CELF2: variants seen among roughly 807,000 people sequenced by gnomAD.
CELF2 encodes the protein CUG triplet repeat RNA-binding protein 2.
CELF2 carries 8 observed loss-of-function variants against 62.6 expected under a neutral mutation model. The observed-to-expected ratio is 0.13, with a 90% CI of 0.07 to 0.23. The LOEUF is 0.23. Among genes scored for constraint, CELF2 ranks in the 10% least tolerant of loss-of-function variants. The pLI is 1.00. For synonymous variants in CELF2, 258 were observed against 250.0 expected (o/e 1.03, Z -0.30); for missense variants, 333 against 671.0 (o/e 0.50, Z 5.56).
At chr10:11,141,925 A>G (rs2061415377) in intron 1 of CELF2, among the ~76,000 whole-genome samples, 1 of 152,224 alleles carries the variant, frequency 6.6e-6, no homozygotes, top group Non-Finnish European at 1.5e-5. Flanking sequence ...CATATTATTA[A>G]TGAGAGACTG....
intron 1 of CELF2, among the ~76,000 whole-genome samples, chr10:11,052,858 T>C (rs1343025705): frequency 2.0e-5 from 3 of 152,180 alleles, no homozygotes; most frequent in Non-Finnish European, 4.4e-5. Flanking sequence ...AATCATGTAG[T>C]AGAGGGCTTC....
intron 1 of CELF2, among the ~76,000 whole-genome samples, chr10:11,160,645 CAAAAAAAAAA>C (rs35755036): frequency 2.1e-4 from 20 of 96,898 alleles, no homozygotes; most frequent in African/African-American, 7.4e-4. Flanking sequence ...TCCCAAGGAT[CAAAAAAAAAA>C]AAAAAAAAAG....
intron 9 of CELF2, among the ~76,000 whole-genome samples, chr10:11,292,647 G>A (rs933818525): frequency 4.6e-5 from 7 of 152,098 alleles, no homozygotes; most frequent in Non-Finnish European, 4.4e-5. Flanking sequence ...GAAAGAGTGG[G>A]GCAGGAGAGA....
chr10:10,897,559 C>T (rs2062649537), intron 1 of CELF2, among the ~76,000 whole-genome samples: 1 of 152,056 alleles, frequency 6.6e-6, no homozygotes, highest in Non-Finnish European at 1.5e-5. Flanking sequence ...GACAATGTGG[C>T]CAAGGGTGTG....
the CELF2 span, among the ~76,000 whole-genome samples, chr10:10,482,156 T>C: frequency 2.0e-5 from 3 of 152,200 alleles, no homozygotes; most frequent in African/African-American, 7.2e-5. Flanking sequence ...ATTTTGGAAA[T>C]TGTTGATTAT....
chr10:11,165,816 C>G lies in CELF2; in HGVS notation c.271+134C>G. 1.2e-6 allele frequency: 1 copy of G among 840,988 alleles called. No individual in the cohort carries two copies. Among genetic ancestry groups the G allele is most frequent in the Non-Finnish European group, 1.8e-6 (1 of 559,200 alleles). The allele number at this position is 840,988 out of a possible 1,614,324, so 52.1% of individuals were successfully genotyped here. On this transcript the variant is annotated intron_variant, in intron 2 of 12. Coordinates refer to ENST00000633077, the MANE Select transcript of CELF2 (RefSeq NM_001326342.2). This position sits in a 1 kb window ranked among gnomAD's most constrained non-coding sequence, Gnocchi z 7.4. ...TGGAAGCAGCCGGTGCTGGCGGCCCCTGTGCTCCAGGGGCTGCTCCCGACT... is the reference window on the plus strand; with the variant it reads ...TGGAAGCAGCCGGTGCTGGCGGCCCGTGTGCTCCAGGGGCTGCTCCCGACT...
At chr10:10,841,004 C>G (rs1156409914) in intron 1 of CELF2, among the ~76,000 whole-genome samples, 1 of 152,182 alleles carries the variant, frequency 6.6e-6, no homozygotes, top group East Asian at 1.9e-4. Context: ...ATCCATGTCC[C>G]TGCAAAGGAC....
intron 1 of CELF2, among the ~76,000 whole-genome samples, chr10:11,085,452 C>T (rs1041900487): frequency 6.6e-6 from 1 of 152,164 alleles, no homozygotes; most frequent in African/African-American, 2.4e-5. Flanking sequence ...TTGTCAAATA[C>T]ATTTTGATTG....
At chr10:10,991,161 T>C (rs2053395095) in intron 2 of CELF2, among the ~76,000 whole-genome samples, 2 of 152,208 alleles carry the variant, frequency 1.3e-5, no homozygotes. Flanking sequence ...AAATACAGAC[T>C]CTCTCTTTGT....
intron 1 of CELF2, among the ~76,000 whole-genome samples, chr10:10,902,274 A>T (rs2062990099): frequency 6.6e-6 from 1 of 152,248 alleles, no homozygotes; most frequent in African/African-American, 2.4e-5. Context: ...CAGTTTTGAT[A>T]GAAAGATGTG....
chr10:10,605,569 G>A, the CELF2 span, among the ~76,000 whole-genome samples: 9 of 152,322 alleles, frequency 5.9e-5, no homozygotes, highest in Middle Eastern at 3.4e-3. Flanking sequence ...ATCAGAGTGC[G>A]TGGTTGAACC....
At chr10:11,137,769 C>A (rs576927582) in intron 1 of CELF2, among the ~76,000 whole-genome samples, 2 of 152,208 alleles carry the variant, frequency 1.3e-5, no homozygotes, top group Non-Finnish European at 2.9e-5. Flanking sequence ...TTTTTAAATA[C>A]CATTTCTGTG....
At chr10:10,499,130 G>A in the CELF2 span, among the ~76,000 whole-genome samples, 1 of 148,938 alleles carries the variant, frequency 6.7e-6, no homozygotes, top group Admixed American at 6.8e-5. Context: ...TCAATGGCAC[G>A]ATCTCAGCTC....
chr10:10,617,730 A>C, the CELF2 span, among the ~76,000 whole-genome samples: 2 of 152,086 alleles, frequency 1.3e-5, no homozygotes, highest in Non-Finnish European at 2.9e-5. Context: ...ATAGGTCCAA[A>C]AGGGAGAGAA....
chr10:11,255,056 G>A lies in CELF2; in HGVS notation c.404-2682G>A, dbSNP rs918966561. Reference sequence around the variant, plus strand: ...AGCAGGTGGTGTGGACGGCCTGCAGGTACACTCGTTGCCCAGGGTATCTGG... The same window carrying A: ...AGCAGGTGGTGTGGACGGCCTGCAGATACACTCGTTGCCCAGGGTATCTGG... On this transcript the variant is annotated intron_variant, in intron 4 of 12. Transcript: ENST00000633077. This position sits in a 1 kb window ranked among gnomAD's most constrained non-coding sequence, Gnocchi z 5.5. 6.6e-6 allele frequency among the ~76,000 whole-genome samples: 1 copy of A among 152,172 alleles called. No homozygotes were observed. Among genetic ancestry groups the A allele is most frequent in the Non-Finnish European group, 1.5e-5 (1 of 68,034 alleles).
the CELF2 span, among the ~76,000 whole-genome samples, chr10:10,621,477 T>A: frequency 3.9e-5 from 6 of 152,078 alleles, no homozygotes; most frequent in African/African-American, 1.4e-4. Flanking sequence ...GAAAGAGAGT[T>A]GAGACAATCA....
At chr10:10,912,255 G>A (rs7911693) in intron 1 of CELF2, among the ~76,000 whole-genome samples, 12,332 of 152,118 alleles carry the variant, frequency 0.081, 1,065 homozygotes, top group African/African-American at 0.22. Flanking sequence ...CTGCCACCCT[G>A]CTTTTACTTT....
At chr10:10,647,282 C>T in the CELF2 span, among the ~76,000 whole-genome samples, 1 of 152,160 alleles carries the variant, frequency 6.6e-6, no homozygotes, top group Non-Finnish European at 1.5e-5. Context: ...TGTAAGAAAA[C>T]TTTCTGCTCC....
chr10:10,518,016 G>A, the CELF2 span, among the ~76,000 whole-genome samples: 6 of 152,118 alleles, frequency 3.9e-5, no homozygotes, highest in East Asian at 1.9e-4. Context: ...GACAAACCAC[G>A]TTACAACCAC....
Sources: allele counts gnomAD v4.1 joint callset (sites outside exome capture counted in the v4.1 genomes callset), GRCh38; gene constraint gnomAD v4.1.1; non-coding constraint Gnocchi (gnomAD v3.1); transcripts MANE v1.5; gene names NCBI Gene and HGNC (gene_info 2026-07-23, HGNC 2026-07-21).